PHF10: variants seen among roughly 807,000 people sequenced by gnomAD.
PHF10 encodes the protein BRG1-associated factor 45a.
In PHF10, 51 loss-of-function variants were observed where a neutral mutation model predicts 68.5. That is an observed-to-expected ratio of 0.74 (90% CI 0.59 to 0.94). The LOEUF is 0.94. Ranked by LOEUF, PHF10 falls within the 40% of genes least tolerant of loss-of-function variation. The pLI, the probability that PHF10 is intolerant of heterozygous loss-of-function variation, is 0.00. For synonymous variants in PHF10, 204 were observed against 203.5 expected, an observed-to-expected ratio of 1.00 and a Z score of -0.02; for missense variants, 460 against 602.6, an observed-to-expected ratio of 0.76 and a Z score of 2.48.
chr6:169,707,799 C>G (rs1429494239), intron 9 of PHF10: 2 of 152,152 alleles, frequency 1.3e-5, no homozygotes, highest in African/African-American at 2.4e-5. Context: ...GTTTTTCTTA[C>G]CCAACAGCCT....
intron 2 of PHF10, among the ~76,000 whole-genome samples, chr6:169,719,570 T>A (rs903412921): frequency 2.6e-5 from 4 of 152,176 alleles, no homozygotes; most frequent in Non-Finnish European, 5.9e-5. Flanking sequence ...TATGCATCCA[T>A]CTATTTAAAA....
At chr6:169,716,522 A>G (rs1789051205) in intron 4 of PHF10, among the ~76,000 whole-genome samples, 1 of 152,102 alleles carries the variant, frequency 6.6e-6, no homozygotes. Flanking sequence ...CACCAAAAAC[A>G]TCAGCACACA....
At chr6:169,711,153 T>C (rs572800899) in intron 8 of PHF10, among the ~76,000 whole-genome samples, 4 of 152,280 alleles carry the variant, frequency 2.6e-5, no homozygotes, top group East Asian at 1.9e-4. Context: ...TACATAAAGA[T>C]ACCGAGACTC....
intron 3 of PHF10, 29 bp downstream of exon 3, chr6:169,718,759 A>G: frequency 8.0e-7 from 1 of 1,245,014 alleles, no homozygotes; most frequent in African/African-American, 1.5e-5. Context: ...ACTATCAATT[A>G]TAAATTAATC....
At chr6:169,706,433 T>TAA (rs774347919) in intron 9 of PHF10, among the ~76,000 whole-genome samples, 1 of 152,142 alleles carries the variant, frequency 6.6e-6, no homozygotes, top group South Asian at 2.1e-4. Context: ...TGCAGTCACT[T>TAA]AAAAAATACA....
intron 9 of PHF10, chr6:169,708,000 A>C (rs2128329117): frequency 6.6e-6 from 1 of 152,338 alleles, no homozygotes; most frequent in Admixed American, 6.5e-5. Flanking sequence ...AGTGGATTGC[A>C]CAGTTGAGGG....
In PHF10 at chr6:169,717,911, A is replaced by G; in HGVS notation, c.326-5T>C. On this transcript the variant is annotated splice_polypyrimidine_tract_variant and splice_region_variant and intron_variant, in intron 3 of 11. Coordinates refer to ENST00000339209, the MANE Select transcript of PHF10 (RefSeq NM_018288.4). Reference sequence around the variant, plus strand: ...ACAAATCTCGTCGCTCTAAATCTCCAAAAAAAAGATCAAAAGACTATTAAA... The same window carrying G: ...ACAAATCTCGTCGCTCTAAATCTCCGAAAAAAAGATCAAAAGACTATTAAA... The G allele has an allele frequency of 7.1e-7, 1 of 1,410,716 alleles. No homozygotes were observed. Among genetic ancestry groups the G allele is most frequent in the East Asian group, 2.3e-5 (1 of 42,848 alleles). The allele number at this position is 1,410,716 out of a possible 1,614,324, so 87.4% of individuals were successfully genotyped here. A position where few individuals can be genotyped will look rare whatever the true frequency, so the allele number is the denominator to read the frequency against.
chr6:169,717,738 A>C, intron 4 of PHF10, 85 bp downstream of exon 4: 3 of 620,730 alleles, frequency 4.8e-6, no homozygotes, highest in Middle Eastern at 8.0e-4. Flanking sequence ...TAATTTTGTA[A>C]AATATTTTAG....
intron 9 of PHF10, among the ~76,000 whole-genome samples, chr6:169,706,344 ATC>A (rs1788789300): frequency 6.6e-6 from 1 of 152,188 alleles, no homozygotes; most frequent in Non-Finnish European, 1.5e-5. Context: ...TAATAAAAGA[ATC>A]TATACTTAGA....
chr6:169,721,239 G>T, intron 1 of PHF10, 128 bp from the exon 2 acceptor site: 1 of 545,808 alleles, frequency 1.8e-6, no homozygotes, highest in Non-Finnish European at 3.2e-6. Context: ...TAATTAAAAG[G>T]GTCCAAGAGT....
chr6:169,713,843 G>A (rs1788983141), intron 7 of PHF10, among the ~76,000 whole-genome samples: 1 of 152,142 alleles, frequency 6.6e-6, no homozygotes, highest in South Asian at 2.1e-4. Flanking sequence ...AACAAAATGG[G>A]CTGGGCACAG....
At chr6:169,722,227 C>G (rs933168084) in intron 1 of PHF10, among the ~76,000 whole-genome samples, 1 of 152,162 alleles carries the variant, frequency 6.6e-6, no homozygotes, top group African/African-American at 2.4e-5. Flanking sequence ...TTAACTGGTT[C>G]TTTTCCAAAT....
At position 169,718,692 on chromosome 6, in the gene PHF10, A is replaced by T. The variant is rs80316041; in HGVS notation, c.325+96T>A. On this transcript the variant is annotated intron_variant, in intron 3 of 11. Transcript: ENST00000339209. The stretch of plus-strand genomic sequence containing the variant: ...CTTAAAAAAAAACAGCAAGCACAAG[A>T]ATATAAAATATAATCTACAGAAAAA... The T allele has an allele frequency of 2.4e-5, 18 of 755,000 alleles. No homozygotes were observed. In the East Asian group the frequency reaches 3.4e-4, roughly 14 times the overall value. 46.8% of individuals were successfully genotyped at this position (755,000 alleles called of 1,614,324 possible).
At chr6:169,709,428 A>T (rs906329202) in intron 9 of PHF10, 1 of 152,202 alleles carries the variant, frequency 6.6e-6, no homozygotes, top group East Asian at 1.9e-4. Context: ...ACCATCCCAA[A>T]TATGAAACTG....
At chr6:169,719,621 G>T (rs1204902102) in intron 2 of PHF10, among the ~76,000 whole-genome samples, 2 of 152,116 alleles carry the variant, frequency 1.3e-5, no homozygotes, top group African/African-American at 2.4e-5. Flanking sequence ...AAATGGTGCT[G>T]GGAAACTGGG....
Position 169,705,579 on chromosome 6 carries a change from G to T in PHF10, c.1222+37C>A. 9.6e-7 allele frequency: 1 copy of T among 1,042,224 alleles called. No individual in the cohort carries two copies. Among genetic ancestry groups the T allele is most frequent in the Non-Finnish European group, 1.5e-6 (1 of 660,894 alleles). The allele number at this position is 1,042,224 out of a possible 1,614,324, so 64.6% of individuals were successfully genotyped here. A position where few individuals can be genotyped will look rare whatever the true frequency, so the allele number is the denominator to read the frequency against. ...TTCTAGTTTTTGAACCAATAAATACGGTGGTTAAAATTTTAAAAAGACATT... is the reference window on the plus strand; with the variant it reads ...TTCTAGTTTTTGAACCAATAAATACTGTGGTTAAAATTTTAAAAAGACATT... On this transcript the variant is annotated intron_variant, in intron 10 of 11. Transcript: ENST00000339209.
chr6:169,723,771 T>C, intron 1 of PHF10, 74 bp downstream of exon 1: 1 of 435,204 alleles, frequency 2.3e-6, no homozygotes, highest in African/African-American at 2.1e-5. Flanking sequence ...CGGCCGCCGG[T>C]GGGACTGGGC....
At chr6:169,719,930 A>T (rs1789137784) in intron 2 of PHF10, among the ~76,000 whole-genome samples, 1 of 151,966 alleles carries the variant, frequency 6.6e-6, no homozygotes, top group Non-Finnish European at 1.5e-5. Context: ...CATATTTTTG[A>T]TGAAGTATTA....
chr6:169,709,868 C>T (rs1045023085), intron 9 of PHF10: 1 of 155,032 alleles, frequency 6.5e-6, no homozygotes, highest in African/African-American at 2.4e-5. Flanking sequence ...GCTTTAGCTA[C>T]ACTAAATGCT....
Sources: gnomAD v4.1 joint callset for allele counts (sites outside exome capture counted in the v4.1 genomes callset) on GRCh38, gnomAD v4.1.1 for gene constraint, MANE v1.5 for transcripts, NCBI Gene and HGNC (gene_info 2026-07-23, HGNC 2026-07-21) for gene names.